Variants in SHISA6 observed in about 807,000 individuals in gnomAD.
SHISA6 encodes protein shisa-6.
Under a neutral mutation model 47.9 loss-of-function variants are expected in SHISA6, and 22 were observed. That is an observed-to-expected ratio of 0.46 (90% CI 0.33 to 0.66). The LOEUF (loss-of-function observed/expected upper bound fraction) is 0.66, where lower values mean the gene tolerates loss of function less well. Ranked by LOEUF, SHISA6 falls within the 30% of genes least tolerant of loss-of-function variation. SHISA6 has a pLI of 0.02. For missense variants in SHISA6, 680 were observed against 764.6 expected (o/e 0.89, Z 1.30); for synonymous variants, 388 against 337.8 (o/e 1.15, Z -1.63).
At chr17:11,427,121 G>C (rs1037476869) in intron 3 of SHISA6, among the ~76,000 whole-genome samples, 1 of 151,476 alleles carries the variant, frequency 6.6e-6, no homozygotes, top group Non-Finnish European at 1.5e-5. Flanking sequence ...CCCCTCTTTC[G>C]TATGTTTGTT....
At chr17:11,438,951 A>G (rs535469619) in intron 3 of SHISA6, among the ~76,000 whole-genome samples, 2 of 152,236 alleles carry the variant, frequency 1.3e-5, no homozygotes, top group Admixed American at 1.3e-4. Context: ...GAATAGGGGA[A>G]GCAGAGCAAG....
chr17:11,555,914 T>A, intron 5 of SHISA6, 22 bp downstream of exon 5: 2 of 1,507,058 alleles, frequency 1.3e-6, no homozygotes, highest in Non-Finnish European at 1.8e-6. Context: ...TTCCCCCAAG[T>A]TGGGGTCTGT....
chr17:11,343,773 A>T (rs891159602), intron 2 of SHISA6, among the ~76,000 whole-genome samples: 1 of 152,262 alleles, frequency 6.6e-6, no homozygotes, highest in African/African-American at 2.4e-5. Flanking sequence ...CAGCTGCTAT[A>T]GTCATGTCCA....
chr17:11,405,728 G>A (rs1413999902), intron 3 of SHISA6, among the ~76,000 whole-genome samples: 2 of 151,998 alleles, frequency 1.3e-5, no homozygotes, highest in Non-Finnish European at 2.9e-5. Flanking sequence ...TTTAACTCAG[G>A]AGACGGAGGT....
chr17:11,464,755 C>A (rs1175588021), intron 3 of SHISA6, among the ~76,000 whole-genome samples: 1 of 152,144 alleles, frequency 6.6e-6, no homozygotes. Context: ...CCAGCCTGGC[C>A]AACATGGTGA....
chr17:11,494,606 A>G (rs2142341143), intron 3 of SHISA6, among the ~76,000 whole-genome samples: 1 of 152,326 alleles, frequency 6.6e-6, no homozygotes, highest in South Asian at 2.1e-4. Context: ...TATCTGGAAT[A>G]GAGTGAAAAC....
At chr17:11,347,032 T>C (rs1417653169) in intron 2 of SHISA6, among the ~76,000 whole-genome samples, 2 of 152,194 alleles carry the variant, frequency 1.3e-5, no homozygotes, top group African/African-American at 4.8e-5. Flanking sequence ...GCTTAAGTCA[T>C]GCTATGTAGC....
intron 3 of SHISA6, among the ~76,000 whole-genome samples, chr17:11,394,174 T>A (rs932952667): frequency 6.6e-6 from 1 of 152,208 alleles, no homozygotes; most frequent in Non-Finnish European, 1.5e-5. Flanking sequence ...TGGCACATAT[T>A]TGATGCCCAG....
At chr17:11,261,369 T>C (rs967266217) in intron 1 of SHISA6, among the ~76,000 whole-genome samples, 1 of 152,236 alleles carries the variant, frequency 6.6e-6, no homozygotes, top group Admixed American at 6.5e-5. Flanking sequence ...CACCTTTTGC[T>C]GTACACCCCT....
At chr17:11,401,940 G>A (rs796368310) in intron 3 of SHISA6, among the ~76,000 whole-genome samples, 16 of 152,260 alleles carry the variant, frequency 1.1e-4, no homozygotes, top group South Asian at 4.1e-4. Flanking sequence ...CCACACATAC[G>A]CATTGCAGTA....
intron 3 of SHISA6, among the ~76,000 whole-genome samples, chr17:11,526,531 T>C (rs1032070557): frequency 1.3e-5 from 2 of 152,126 alleles, no homozygotes; most frequent in African/African-American, 4.8e-5. Flanking sequence ...CACAGCTTTG[T>C]AGAGCACATG....
At chr17:11,474,737 T>C (rs75592999) in intron 3 of SHISA6, among the ~76,000 whole-genome samples, 1,980 of 152,324 alleles carry the variant, frequency 0.013, 37 homozygotes, top group African/African-American at 0.045. Flanking sequence ...GCTTAATTAC[T>C]GTAACTTTAT....
At chr17:11,275,826 G>T (rs984455475) in intron 2 of SHISA6, among the ~76,000 whole-genome samples, 2 of 152,156 alleles carry the variant, frequency 1.3e-5, no homozygotes, top group African/African-American at 4.8e-5. Flanking sequence ...AGAAGTCAGA[G>T]ATGAGGGGCC....
intron 3 of SHISA6, among the ~76,000 whole-genome samples, chr17:11,461,126 G>A (rs1327445238): frequency 6.6e-6 from 1 of 152,128 alleles, no homozygotes; most frequent in Non-Finnish European, 1.5e-5. Context: ...CAGTTGAATA[G>A]CAGGCTCACG....
chr17:11,291,978 G>A (rs935667639), intron 2 of SHISA6, among the ~76,000 whole-genome samples: 2 of 152,158 alleles, frequency 1.3e-5, no homozygotes, highest in Non-Finnish European at 2.9e-5. Context: ...GCTAACCCAA[G>A]CCAATGGACA....
intron 3 of SHISA6, among the ~76,000 whole-genome samples, chr17:11,424,024 A>G (rs1233893265): frequency 6.6e-6 from 1 of 152,230 alleles, no homozygotes. Context: ...GCAAGTATAA[A>G]AGAAAAGATT....
At chr17:11,356,578 A>G (rs1198795386) in intron 2 of SHISA6, among the ~76,000 whole-genome samples, 1 of 152,112 alleles carries the variant, frequency 6.6e-6, no homozygotes, top group East Asian at 1.9e-4. Flanking sequence ...ACAGCTGTGG[A>G]GGAGTCACAC....
chr17:11,497,031 A>G lies in SHISA6; in HGVS notation c.896-54865A>G, dbSNP rs78452394. 1.8e-3 allele frequency among the ~76,000 whole-genome samples: 267 copies of G among 152,336 alleles called. 9 individuals carry two copies. In the East Asian group the frequency reaches 0.044, roughly 25 times the overall value. ...AGATTCAGTTTGCATGCTGCCTCCCATAAGTTTGGACACTGAGCTACACAC... is the reference window on the plus strand; with the variant it reads ...AGATTCAGTTTGCATGCTGCCTCCCGTAAGTTTGGACACTGAGCTACACAC... On this transcript the variant is annotated intron_variant, in intron 3 of 5. Transcript: ENST00000441885.
intron 3 of SHISA6, among the ~76,000 whole-genome samples, chr17:11,392,986 C>G (rs986381240): frequency 6.6e-6 from 1 of 152,206 alleles, no homozygotes. Context: ...CCTTTTTGTG[C>G]GAATTGAGAG....
Sources: allele counts gnomAD v4.1 joint callset (sites outside exome capture counted in the v4.1 genomes callset), GRCh38; gene constraint gnomAD v4.1.1; transcripts MANE v1.5; gene names NCBI Gene and HGNC (gene_info 2026-07-23, HGNC 2026-07-21).